Variants in GALNT17 observed in about 807,000 individuals in gnomAD.
GALNT17 encodes UDP-GalNAc:polypeptide N-acetylgalactosaminyltransferase-like 3.
A neutral mutation model predicts 63.7 loss-of-function variants in GALNT17; 29 were observed. The ratio of observed to expected loss-of-function variants is 0.46; its 90% CI spans 0.34 to 0.62. The LOEUF (loss-of-function observed/expected upper bound fraction) is 0.62, where lower values mean the gene tolerates loss of function less well. Among genes scored for constraint, GALNT17 ranks in the 20% least tolerant of loss-of-function variants. The probability of loss-of-function intolerance (pLI) is 0.01; values close to 1 mark genes in which losing one functional copy is unlikely to be tolerated. For synonymous variants in GALNT17, 305 were observed against 318.3 expected, an observed-to-expected ratio of 0.96 and a Z score of 0.45; for missense variants, 603 against 799.6, an observed-to-expected ratio of 0.75 and a Z score of 2.97.
At position 71,377,114 on chromosome 7, in the gene GALNT17, A is replaced by AAATATATATATATATATATATAT; in HGVS notation, c.423-11120_423-11119insATATATATATATATATATATATA. Among the ~76,000 whole-genome samples, 3 of 57,466 alleles carry AAATATATATATATATATATATAT rather than the reference A, an allele frequency of 5.2e-5. 1 individual carries two copies. Among genetic ancestry groups the AAATATATATATATATATATATAT allele is most frequent in the African/African-American group, 9.4e-5 (1 of 10,672 alleles). The allele number at this position is 57,466 out of a possible 152,430, so 37.7% of individuals were successfully genotyped here. On this transcript the variant is annotated intron_variant, in intron 2 of 10. Coordinates refer to ENST00000333538, the MANE Select transcript of GALNT17 (RefSeq NM_022479.3). ...AAAAAAAAAAAATAAAAATAAAAAA[A>AAATATATATATATATATATATAT]ATATATATATATATATATATATATA... is the stretch of plus-strand genomic sequence containing the variant.
chr7:71,412,825 T>C (rs1268488469), intron 3 of GALNT17, among the ~76,000 whole-genome samples: 5 of 152,158 alleles, frequency 3.3e-5, no homozygotes, highest in African/African-American at 1.2e-4. Context: ...GGGGGATCAC[T>C]TGAGGCCAAG....
At chr7:71,546,185 G>A (rs1157748181) in intron 5 of GALNT17, among the ~76,000 whole-genome samples, 2 of 142,434 alleles carry the variant, frequency 1.4e-5, no homozygotes, top group African/African-American at 5.1e-5. Context: ...TTTTGAGATA[G>A]CATCTCACCC....
intron 3 of GALNT17, among the ~76,000 whole-genome samples, chr7:71,397,648 G>A (rs1793162149): frequency 6.6e-6 from 1 of 152,156 alleles, no homozygotes; most frequent in Non-Finnish European, 1.5e-5. Context: ...ATGGAGGTTG[G>A]CCTCTGTGGC....
chr7:71,490,582 T>C (rs1172528155), intron 5 of GALNT17, among the ~76,000 whole-genome samples: 4 of 151,626 alleles, frequency 2.6e-5, no homozygotes, highest in Admixed American at 2.6e-4. Flanking sequence ...CTGGGCAACA[T>C]AGCCAGATGC....
chr7:71,574,964 C>T (rs1163376906), intron 6 of GALNT17, among the ~76,000 whole-genome samples: 1 of 152,130 alleles, frequency 6.6e-6, no homozygotes, highest in Non-Finnish European at 1.5e-5. Context: ...AAAGTGAGTC[C>T]TTTCTTCTCA....
At position 71,392,811 on chromosome 7, in the gene GALNT17, C is replaced by G. The variant is rs770010454; in HGVS notation, c.589+4410C>G. On this transcript the variant is annotated intron_variant, in intron 3 of 10. Coordinates refer to ENST00000333538, the MANE Select transcript of GALNT17 (RefSeq NM_022479.3). ...CCTCTTTTCAGTTCCTGGTTCTGTT[C>G]TCTATGTTTTTTCCCCGGGCCAGAA... is the stretch of plus-strand genomic sequence containing the variant. Among the ~76,000 whole-genome samples, 6 of 149,668 alleles carry G rather than the reference C, an allele frequency of 4.0e-5. No individual in the cohort carries two copies. The Admixed American group carries it at 4.1e-4, about 10-fold the overall frequency.
intron 1 of GALNT17, among the ~76,000 whole-genome samples, chr7:71,184,667 C>T (rs1032993184): frequency 1.4e-4 from 21 of 152,106 alleles, no homozygotes; most frequent in African/African-American, 4.6e-4. Flanking sequence ...TGGAATGGGC[C>T]GTGCACTTTT....
At chr7:71,265,327 A>G (rs758846247) in intron 1 of GALNT17, among the ~76,000 whole-genome samples, 16 of 151,132 alleles carry the variant, frequency 1.1e-4, no homozygotes, top group Non-Finnish European at 1.8e-4. Flanking sequence ...GGGTTTCACC[A>G]TATCGGCCAG....
intron 3 of GALNT17, among the ~76,000 whole-genome samples, chr7:71,401,544 G>A (rs1329342236): frequency 6.6e-6 from 1 of 152,178 alleles, no homozygotes; most frequent in African/African-American, 2.4e-5. Context: ...CAGGAGGTGA[G>A]AGGCGGGTGA....
chr7:71,459,110 C>T (rs1000437146), intron 5 of GALNT17, among the ~76,000 whole-genome samples: 2 of 151,962 alleles, frequency 1.3e-5, no homozygotes, highest in African/African-American at 2.4e-5. Context: ...AAAAAAAACA[C>T]CTTTCGGCAA....
chr7:71,652,601 T>C (rs1182779260), intron 6 of GALNT17, among the ~76,000 whole-genome samples: 1 of 152,182 alleles, frequency 6.6e-6, no homozygotes, highest in East Asian at 1.9e-4. Flanking sequence ...GAAACCTGTG[T>C]TGTTGAGAAT....
At chr7:71,281,803 G>C (rs1451120362) in intron 1 of GALNT17, among the ~76,000 whole-genome samples, 2 of 152,178 alleles carry the variant, frequency 1.3e-5, no homozygotes, top group Non-Finnish European at 2.9e-5. Context: ...CCACCTCCCA[G>C]TGTGGGAACA....
chr7:71,149,349 C>G (rs920427063), intron 1 of GALNT17, among the ~76,000 whole-genome samples: 1 of 152,142 alleles, frequency 6.6e-6, no homozygotes, highest in Admixed American at 6.5e-5. Context: ...GGGAAATAAA[C>G]AAATTGTCCA....
At chr7:71,279,747 C>A (rs1790746782) in intron 1 of GALNT17, among the ~76,000 whole-genome samples, 1 of 150,830 alleles carries the variant, frequency 6.6e-6, no homozygotes, top group South Asian at 2.1e-4. Context: ...TTGATAGAGG[C>A]ATGCCCAGGC....
chr7:71,343,473 A>G (rs953826294), intron 2 of GALNT17, among the ~76,000 whole-genome samples: 2 of 152,184 alleles, frequency 1.3e-5, no homozygotes, highest in Non-Finnish European at 2.9e-5. Context: ...TGTTTGTCAC[A>G]TTTCAGGCAA....
rs116655584 is a variant in GALNT17 at position 71,283,243 on chromosome 7, C to A, written c.239-52307C>A. Among the ~76,000 whole-genome samples, 722 of 151,780 alleles carry A rather than the reference C, an allele frequency of 4.8e-3. 5 individuals are homozygous for A. Among genetic ancestry groups the A allele is most frequent in the African/African-American group, 0.017 (691 of 41,356 alleles). ...GTGTAGATGGAGTCTTGCTGTACAC[C>A]TTTCCCAGGTTCTTTTCAAACTCCT... is the stretch of plus-strand genomic sequence containing the variant. On this transcript the variant is annotated intron_variant, in intron 1 of 10. Coordinates refer to ENST00000333538, the MANE Select transcript of GALNT17 (RefSeq NM_022479.3).
chr7:71,408,546 C>T (rs971298749), intron 3 of GALNT17, among the ~76,000 whole-genome samples: 4 of 152,122 alleles, frequency 2.6e-5, no homozygotes, highest in Admixed American at 6.5e-5. Flanking sequence ...GATTGCCCCA[C>T]GCAGAGGTGG....
intron 9 of GALNT17, among the ~76,000 whole-genome samples, chr7:71,683,604 T>G (rs979150364): frequency 6.6e-6 from 1 of 152,204 alleles, no homozygotes; most frequent in African/African-American, 2.4e-5. Flanking sequence ...TCCGGGCCAC[T>G]CAGAGAGCCT....
intron 1 of GALNT17, 26 bp from the exon 2 acceptor site, chr7:71,335,524 A>C (rs1583870061): frequency 6.6e-7 from 1 of 1,526,320 alleles, no homozygotes; most frequent in East Asian, 2.4e-5. Context: ...TTTTCTAATA[A>C]TTCTTTTTTC....
Sources: allele counts gnomAD v4.1 joint callset (sites outside exome capture counted in the v4.1 genomes callset), GRCh38; gene constraint gnomAD v4.1.1; transcripts MANE v1.5; gene names NCBI Gene and HGNC (gene_info 2026-07-23, HGNC 2026-07-21).